Variants in BDH2 observed in about 807,000 individuals in gnomAD.
The protein encoded by BDH2 is 3-hydroxybutyrate dehydrogenase 2.
Under a neutral mutation model 33.2 loss-of-function variants are expected in BDH2, and 24 were observed. That is an observed-to-expected ratio of 0.72 (90% CI 0.52 to 1.02). The LOEUF (loss-of-function observed/expected upper bound fraction) is 1.02, where lower values mean the gene tolerates loss of function less well. BDH2 is among the 50% of genes least tolerant of loss of function. The pLI is 0.00. For missense variants in BDH2, 249 were observed against 301.6 expected (o/e 0.83, Z 1.29); for synonymous variants, 81 against 101.6 (o/e 0.80, Z 1.22).
At chr4:103,089,696 C>T (rs575964660) in intron 5 of BDH2, among the ~76,000 whole-genome samples, 7 of 152,308 alleles carry the variant, frequency 4.6e-5, no homozygotes, top group African/African-American at 1.4e-4. Context: ...GTCTTACCCA[C>T]GATGACCTAA....
At chr4:103,094,020 T>A (rs1160739049) in intron 3 of BDH2, among the ~76,000 whole-genome samples, 1 of 152,192 alleles carries the variant, frequency 6.6e-6, no homozygotes, top group East Asian at 1.9e-4. Flanking sequence ...CTGTAAGGGT[T>A]ACCTTTCATA....
chr4:103,097,117 A>C (rs556408206), intron 1 of BDH2, among the ~76,000 whole-genome samples: 2 of 152,180 alleles, frequency 1.3e-5, no homozygotes, highest in African/African-American at 4.8e-5. Context: ...AGGATGGAAA[A>C]ATCAAATCAC....
Position 103,092,922 on chromosome 4 carries a change from A to G in BDH2, c.152-226T>C, listed in dbSNP as rs542510381. 3.5e-4 allele frequency among the ~76,000 whole-genome samples: 53 copies of G among 152,120 alleles called. No homozygotes were observed. The South Asian group carries it at 3.5e-3, about 10-fold the overall frequency. On this transcript the variant is annotated intron_variant, in intron 3 of 9. Transcript: ENST00000296424. ...CGTCCCTCTTCCTTCCTCTCTGTCC[A>G]TTTTCCAAGTTGAATAATAAGGGTC...
intron 4 of BDH2, among the ~76,000 whole-genome samples, chr4:103,091,926 T>G (rs1444786880): frequency 6.6e-6 from 1 of 152,170 alleles, no homozygotes; most frequent in Non-Finnish European, 1.5e-5. Context: ...TGTTCTAACA[T>G]ACTGAGAGAT....
intron 5 of BDH2, among the ~76,000 whole-genome samples, chr4:103,087,425 T>C (rs1578503707): frequency 6.6e-6 from 1 of 151,452 alleles, no homozygotes; most frequent in South Asian, 2.1e-4. Flanking sequence ...CAGGAAAGAG[T>C]GATAAAGGTG....
intron 5 of BDH2, among the ~76,000 whole-genome samples, chr4:103,087,340 A>G (rs1435635831): frequency 1.4e-5 from 2 of 146,532 alleles, no homozygotes; most frequent in African/African-American, 5.1e-5. Context: ...TAAAGCAGAG[A>G]AGTGGCATGT....
chr4:103,088,524 C>T (rs935239715), intron 5 of BDH2, among the ~76,000 whole-genome samples: 4 of 152,184 alleles, frequency 2.6e-5, no homozygotes, highest in Non-Finnish European at 4.4e-5. Flanking sequence ...ATGCTGCCTT[C>T]CCAGTCCAGG....
chr4:103,095,197 G>C lies in BDH2; in HGVS notation c.151+6C>G. 6.2e-7 allele frequency: 1 copy of C among 1,612,230 alleles called. No homozygotes were observed. The highest frequency in any genetic ancestry group is 8.5e-7 in the Non-Finnish European group (1 of 1,178,532). ...AATCCCAAATTCAAGCTGCTGAGTT[G>C]CTTACCCGGGTACTTTTCCAGTTCC... On this transcript the variant is annotated splice_donor_region_variant and intron_variant, in intron 3 of 9. Transcript: ENST00000296424.
At chr4:103,085,937 T>C in intron 6 of BDH2, 2 of 1,183,002 alleles carry the variant, frequency 1.7e-6, no homozygotes, top group South Asian at 3.2e-5. Flanking sequence ...TGTGACATAA[T>C]CCACATTTTG....
chr4:103,096,213 A>C lies in BDH2; in HGVS notation c.42T>G (p.Ala14=), dbSNP rs1057058113. The C allele has an allele frequency of 8.1e-6, 13 of 1,613,908 alleles. No individual in the cohort carries two copies. The Admixed American group carries it at 1.5e-4, about 19-fold the overall frequency. The change falls in exon 2 of 10, where the codon GCT becomes GCG. Residue 14 remains alanine, a synonymous_variant. Transcript: ENST00000296424. ...LDGKVIILTA[A]AQGIGQAAAL... ...CAGCTGCTTGGCCAATCCCCTGAGCAGCGGCCGTCAGGATGATGACTTTCC... is the reference window on the plus strand; with the variant it reads ...CAGCTGCTTGGCCAATCCCCTGAGCCGCGGCCGTCAGGATGATGACTTTCC...
chr4:103,079,710 T>A lies in BDH2; in HGVS notation c.730A>T (p.Ser244Cys). ...GNPVIIDGGW[S>C]L The stretch of plus-strand genomic sequence containing the variant: ...CCATGGAGATCCTAAAATCACAAGC[T>A]CCAGCCTCCATCAATGATGACAGGG... Residue 244 changes from serine (S) to cysteine (C), a missense_variant, in exon 10 of 10, where the codon AGC becomes TGC. Ser to Cys is a moderately radical substitution (Grantham distance 112). Transcript: ENST00000296424. The A allele has an allele frequency of 6.2e-7, 1 of 1,613,970 alleles. No individual in the cohort carries two copies. Among genetic ancestry groups the A allele is most frequent in the Non-Finnish European group, 8.5e-7 (1 of 1,179,878 alleles).
In BDH2 at chr4:103,091,285, A is replaced by C. The variant is rs1748074529; in HGVS notation, c.249T>G (p.Gly83=). ...CCAGGACAGTTCCATGATGGACAAA[A>C]CTAGAAGAGTGATTAAACAATGGAA... ...ERLDVLFNVA[G]FVHHGTVLDC... is the part of the protein sequence containing the mutation. Residue 83 remains glycine (G), a splice_region_variant and synonymous_variant, in exon 5 of 10, where the codon GGT becomes GGG. Coordinates refer to ENST00000296424, the MANE Select transcript of BDH2 (RefSeq NM_020139.4). 6.3e-7 allele frequency: 1 copy of C among 1,595,524 alleles called. No individual in the cohort carries two copies. Among genetic ancestry groups the C allele is most frequent in the Non-Finnish European group, 8.6e-7 (1 of 1,164,900 alleles).
intron 5 of BDH2, among the ~76,000 whole-genome samples, chr4:103,090,252 G>A (rs1435220072): frequency 2.0e-5 from 3 of 152,146 alleles, no homozygotes; most frequent in Non-Finnish European, 4.4e-5. Context: ...AGGGATGTAC[G>A]CTGCTCATGT....
intron 3 of BDH2, among the ~76,000 whole-genome samples, chr4:103,094,301 C>A (rs1054914848): frequency 6.6e-6 from 1 of 152,192 alleles, no homozygotes; most frequent in South Asian, 2.1e-4. Context: ...AATATTGAGA[C>A]GTTGGTCAAA....
chr4:103,095,288 G>A lies in BDH2; in HGVS notation c.73-7C>T. ...CACCTTCTCTTGCAAAAGCCTAGTA[G>A]ACACAAAGTACAAATAAATCCTTTG... On this transcript the variant is annotated splice_polypyrimidine_tract_variant and splice_region_variant and intron_variant, in intron 2 of 9. Coordinates refer to ENST00000296424, the MANE Select transcript of BDH2 (RefSeq NM_020139.4). The A allele has an allele frequency of 1.9e-6, 3 of 1,608,340 alleles. No homozygotes were observed. The highest frequency in any genetic ancestry group is 2.6e-6 in the Non-Finnish European group (3 of 1,175,002).
intron 5 of BDH2, among the ~76,000 whole-genome samples, chr4:103,087,738 T>C (rs1371587806): frequency 6.6e-6 from 1 of 152,148 alleles, no homozygotes; most frequent in African/African-American, 2.4e-5. Flanking sequence ...TAAATAAATA[T>C]ATAATAAAGA....
chr4:103,097,658 T>G (rs969456260), intron 1 of BDH2: 2 of 152,236 alleles, frequency 1.3e-5, no homozygotes, highest in African/African-American at 4.8e-5. Context: ...GAAGGAAACC[T>G]TCTCAGAAAT....
In BDH2 at chr4:103,079,569, A is replaced by G. The variant is rs1747408859; in HGVS notation, c.*133T>C. 1 of 777,694 alleles carries G rather than the reference A, an allele frequency of 1.3e-6. No homozygotes were observed. Among genetic ancestry groups the G allele is most frequent in the African/African-American group, 1.7e-5 (1 of 57,610 alleles). 48.2% of individuals were successfully genotyped at this position (777,694 alleles called of 1,614,324 possible). A position where few individuals can be genotyped will look rare whatever the true frequency, so the allele number is the denominator to read the frequency against. On this transcript the variant is annotated 3_prime_UTR_variant, in exon 10 of 10. Transcript: ENST00000296424. ...AAGAATCAGACTCTTGCAAACAGTG[A>G]CATCATTAAAAAGAGCTTATTTTCA...
At chr4:103,094,214 A>C (rs939953250) in intron 3 of BDH2, among the ~76,000 whole-genome samples, 2 of 152,216 alleles carry the variant, frequency 1.3e-5, no homozygotes, top group Non-Finnish European at 2.9e-5. Flanking sequence ...GCTACTGAGC[A>C]CCTGAAATGC....
Sources: gnomAD v4.1 joint callset for allele counts (sites outside exome capture counted in the v4.1 genomes callset) on GRCh38, gnomAD v4.1.1 for gene constraint, MANE v1.5 for transcripts, NCBI Gene and HGNC (gene_info 2026-07-23, HGNC 2026-07-21) for gene names.